The following CLEC2A variants were observed in gnomAD, a reference collection of about 807,000 sequenced individuals.
The protein encoded by CLEC2A is keratinocyte-associated C-type lectin.
In CLEC2A, 19 loss-of-function variants were observed where a neutral mutation model predicts 18.6. The observed-to-expected ratio is 1.02, with a 90% CI of 0.71 to 1.50. The LOEUF is 1.50. Ranked by LOEUF, CLEC2A falls within the 40% of genes most tolerant of loss-of-function variation. CLEC2A has a pLI of 0.00. For synonymous variants in CLEC2A, 74 were observed against 64.0 expected (o/e 1.16, Z -0.75); for missense variants, 190 against 207.9 (o/e 0.91, Z 0.53).
In CLEC2A at chr12:9,922,147, A is replaced by G; in HGVS notation, c.225T>C (p.Asp75=). 1.3e-6 allele frequency: 2 copies of G among 1,550,942 alleles called. No homozygotes were observed. The highest frequency in any genetic ancestry group is 1.7e-6 in the Non-Finnish European group (2 of 1,146,406). Residue 75 remains aspartate, a synonymous_variant, in exon 3 of 5, where the codon GAT becomes GAC. Coordinates refer to ENST00000455827, the MANE Select transcript of CLEC2A (RefSeq NM_001130711.2). ...VRDKCFYFSD[D]TRNWTASKIF... ...TTTTACTGGCTGTCCAATTTCTGGT[A>G]TCATCAGAAAAATAGAAACACTTAT...
intron 4 of CLEC2A, among the ~76,000 whole-genome samples, chr12:9,916,470 A>T (rs1195388978): frequency 6.6e-6 from 1 of 152,194 alleles, no homozygotes; most frequent in African/African-American, 2.4e-5. Flanking sequence ...TAACAAATAA[A>T]AATAAAAATG....
the CLEC2A span, chr12:9,892,941 A>G: frequency 8.4e-7 from 1 of 1,194,642 alleles, no homozygotes; most frequent in South Asian, 1.6e-5. Flanking sequence ...CTATTTTCCA[A>G]GTAGTCACAT....
At chr12:9,925,182 A>G (rs1468524268) in intron 2 of CLEC2A, among the ~76,000 whole-genome samples, 1 of 152,256 alleles carries the variant, frequency 6.6e-6, no homozygotes, top group South Asian at 2.1e-4. Flanking sequence ...TATATTAACT[A>G]AACGCATGTG....
chr12:9,925,679 A>C (rs999924600), intron 2 of CLEC2A, among the ~76,000 whole-genome samples: 2 of 152,146 alleles, frequency 1.3e-5, no homozygotes, highest in African/African-American at 2.4e-5. Flanking sequence ...AAATATAGAA[A>C]TTGATCCTCC....
intron 4 of CLEC2A, among the ~76,000 whole-genome samples, chr12:9,899,264 T>C (rs1862793312): frequency 6.6e-6 from 1 of 152,072 alleles, no homozygotes; most frequent in Non-Finnish European, 1.5e-5. Context: ...GAGTGTCCCA[T>C]AGTACAGAGA....
chr12:9,897,263 G>A (rs1478015606), downstream of CLEC2A, among the ~76,000 whole-genome samples: 1 of 152,076 alleles, frequency 6.6e-6, no homozygotes, highest in East Asian at 1.9e-4. Context: ...GAAACTTTCT[G>A]TGCTTTCAGC....
intron 4 of CLEC2A, among the ~76,000 whole-genome samples, chr12:9,901,502 A>T (rs1015029944): frequency 6.6e-6 from 1 of 152,200 alleles, no homozygotes; most frequent in African/African-American, 2.4e-5. Context: ...ACAATTTTAG[A>T]GCATACATTA....
chr12:9,893,135 A>C, the CLEC2A span: 2 of 1,534,156 alleles, frequency 1.3e-6, no homozygotes, highest in Non-Finnish European at 1.7e-6. Context: ...AGCTACAGGC[A>C]CATTTACTGG....
chr12:9,899,972 T>C (rs1456254152), intron 4 of CLEC2A, among the ~76,000 whole-genome samples: 1 of 152,182 alleles, frequency 6.6e-6, no homozygotes, highest in East Asian at 1.9e-4. Context: ...GGACTCCTTA[T>C]CATAAGTTAA....
the CLEC2A span, among the ~76,000 whole-genome samples, chr12:9,878,998 A>G: frequency 2.0e-5 from 3 of 152,122 alleles, no homozygotes; most frequent in East Asian, 1.9e-4. Context: ...CTACAGCGGA[A>G]TCAGGCTTTC....
chr12:9,924,438 A>AAACCCAACCC (rs372655564), intron 2 of CLEC2A, among the ~76,000 whole-genome samples: 13 of 152,018 alleles, frequency 8.6e-5, no homozygotes, highest in South Asian at 8.3e-4. Flanking sequence ...AGAATGACCG[A>AAACCCAACCC]AACCCAACCC....
chr12:9,922,265 G>A (rs1019637581), intron 2 of CLEC2A, 33 bp from the exon 3 acceptor site: 40 of 1,480,366 alleles, frequency 2.7e-5, no homozygotes, highest in Admixed American at 5.0e-5. Context: ...ATCAGATAAA[G>A]CATATGTTAA....
At chr12:9,913,042 T>A (rs1308155288), downstream of CLEC2A, among the ~76,000 whole-genome samples, 2 of 152,192 alleles carry the variant, frequency 1.3e-5, no homozygotes, top group African/African-American at 4.8e-5. Flanking sequence ...GAATTTAAAT[T>A]TTATGAAGCA....
At chr12:9,911,126 C>T (rs1255578146), downstream of CLEC2A, among the ~76,000 whole-genome samples, 4 of 152,120 alleles carry the variant, frequency 2.6e-5, no homozygotes, top group Admixed American at 6.5e-5. Context: ...CTAAACTAGT[C>T]CTGATTGGCT....
At chr12:9,877,912 A>G in the CLEC2A span, among the ~76,000 whole-genome samples, 1 of 152,258 alleles carries the variant, frequency 6.6e-6, no homozygotes, top group Non-Finnish European at 1.5e-5. Flanking sequence ...AGGCACAAAT[A>G]GTTAACCCAT....
chr12:9,913,690 A>T lies in CLEC2A; in HGVS notation c.411-10T>A. On this transcript the variant is annotated splice_polypyrimidine_tract_variant and intron_variant, in intron 4 of 4. Transcript: ENST00000455827. ...CCCTATAATTTCAAACCTGAAAAAG[A>T]ACACTCTAAATCAGTCTGGGAACCA... The T allele has an allele frequency of 1.3e-6, 2 of 1,519,060 alleles. No homozygotes were observed. Among genetic ancestry groups the T allele is most frequent in the Non-Finnish European group, 1.8e-6 (2 of 1,125,008 alleles). The allele number at this position is 1,519,060 out of a possible 1,614,324, so 94.1% of individuals were successfully genotyped here.
At chr12:9,918,407 G>T (rs770414418) in intron 3 of CLEC2A, among the ~76,000 whole-genome samples, 1 of 152,138 alleles carries the variant, frequency 6.6e-6, no homozygotes, top group Non-Finnish European at 1.5e-5. Flanking sequence ...TCAGATGGTC[G>T]TAGGTGTGTG....
chr12:9,887,429 G>C, the CLEC2A span, among the ~76,000 whole-genome samples: 7 of 152,088 alleles, frequency 4.6e-5, no homozygotes, highest in Non-Finnish European at 7.4e-5. Flanking sequence ...GATTCTACTG[G>C]AGCAATGCCT....
intron 2 of CLEC2A, among the ~76,000 whole-genome samples, chr12:9,923,938 G>A (rs528850681): frequency 6.6e-6 from 1 of 151,868 alleles, no homozygotes; most frequent in African/African-American, 2.4e-5. Flanking sequence ...GGGGTTGGGG[G>A]AGTGGGGAGG....
Sources: gnomAD v4.1 joint callset for allele counts (sites outside exome capture counted in the v4.1 genomes callset) on GRCh38, gnomAD v4.1.1 for gene constraint, MANE v1.5 for transcripts, NCBI Gene and HGNC (gene_info 2026-07-23, HGNC 2026-07-21) for gene names.